The following SGCG variants were observed in gnomAD, a reference collection of about 807,000 sequenced individuals.
The protein encoded by SGCG is gamma-sarcoglycan.
A neutral mutation model predicts 29.3 loss-of-function variants in SGCG; 26 were observed. The ratio of observed to expected loss-of-function variants is 0.89; its 90% CI spans 0.65 to 1.23. The LOEUF (loss-of-function observed/expected upper bound fraction) is 1.23. Ranked by LOEUF, SGCG falls within the 50% of genes most tolerant of loss-of-function variation. SGCG has a pLI of 0.00. For synonymous variants in SGCG, 145 were observed against 129.7 expected (o/e 1.12, Z -0.80); for missense variants, 353 against 356.0 (o/e 0.99, Z 0.07).
At chr13:23,257,889 C>G (rs1354908178) in intron 4 of SGCG, among the ~76,000 whole-genome samples, 1 of 152,134 alleles carries the variant, frequency 6.6e-6, no homozygotes, top group African/African-American at 2.4e-5. Flanking sequence ...GGCCTCTGTT[C>G]TGTTCCATTG....
At chr13:23,236,120 C>CCCTT (rs1318002185) in intron 3 of SGCG, among the ~76,000 whole-genome samples, 1 of 152,160 alleles carries the variant, frequency 6.6e-6, no homozygotes, top group East Asian at 1.9e-4. Context: ...GTGAGGCTTA[C>CCCTT]CCTTACCTTA....
At chr13:23,270,806 T>C (rs1325908252) in intron 4 of SGCG, among the ~76,000 whole-genome samples, 1 of 152,258 alleles carries the variant, frequency 6.6e-6, no homozygotes, top group Non-Finnish European at 1.5e-5. Context: ...CTGTAGTGTT[T>C]GTATGATTTC....
At chr13:23,300,750 C>T (rs193114558) in intron 6 of SGCG, among the ~76,000 whole-genome samples, 1 of 150,318 alleles carries the variant, frequency 6.7e-6, no homozygotes, top group East Asian at 2.0e-4. Flanking sequence ...AGAAGTTATC[C>T]CATCACACAT....
At chr13:23,241,574 T>G (rs1879517740) in intron 3 of SGCG, among the ~76,000 whole-genome samples, 4 of 152,156 alleles carry the variant, frequency 2.6e-5, no homozygotes. Flanking sequence ...CTTCTCAAAC[T>G]TTTTCAAAAA....
intron 5 of SGCG, 149 bp downstream of exon 5, chr13:23,279,627 T>G: frequency 1.3e-6 from 1 of 753,706 alleles, no homozygotes; most frequent in Admixed American, 2.1e-5. Context: ...TCTGTTGAAC[T>G]CCCTCGATGC....
the SGCG span, among the ~76,000 whole-genome samples, chr13:23,172,241 T>C: frequency 2.0e-5 from 3 of 152,210 alleles, no homozygotes; most frequent in Non-Finnish European, 4.4e-5. Context: ...CTCTTTTTCT[T>C]CTTTTCAAAG....
Position 23,302,147 on chromosome 13 carries a change from G to T in SGCG, c.578+6660G>T, listed in dbSNP as rs1218599586. ...ATGGAGTCAGAAAAGTTTTCTTTTT[G>T]TCCTTGACCTAATACTTACAGTTCA... On this transcript the variant is annotated intron_variant, in intron 6 of 7. Coordinates refer to ENST00000218867, the MANE Select transcript of SGCG (RefSeq NM_000231.3). Among the ~76,000 whole-genome samples, 4 of 151,746 alleles carry T rather than the reference G, an allele frequency of 2.6e-5. 1 individual carries two copies. Among genetic ancestry groups the T allele is most frequent in the Middle Eastern group, 6.3e-3 (2 of 316 alleles).
At chr13:23,169,551 T>C in the SGCG span, among the ~76,000 whole-genome samples, 15 of 151,976 alleles carry the variant, frequency 9.9e-5, no homozygotes, top group Admixed American at 9.8e-4. Context: ...TAGTGGTGCA[T>C]GCCTGTAGTC....
chr13:23,230,002 T>C (rs1430619541), intron 2 of SGCG, among the ~76,000 whole-genome samples: 4 of 152,216 alleles, frequency 2.6e-5, no homozygotes, highest in Non-Finnish European at 5.9e-5. Flanking sequence ...CTTCTGCATA[T>C]GGCTAGCCAG....
intron 1 of SGCG, among the ~76,000 whole-genome samples, chr13:23,190,874 G>A (rs929347417): frequency 6.6e-6 from 1 of 152,126 alleles, no homozygotes; most frequent in Non-Finnish European, 1.5e-5. Context: ...AAATGGCCCT[G>A]TAAAATCCTC....
chr13:23,268,134 A>G (rs1261441054), intron 4 of SGCG: 1 of 153,146 alleles, frequency 6.5e-6, no homozygotes, highest in African/African-American at 2.4e-5. Context: ...GTGGAAATTT[A>G]TGGGCTTTTT....
chr13:23,208,980 T>A (rs1878087994), intron 2 of SGCG, among the ~76,000 whole-genome samples: 1 of 152,098 alleles, frequency 6.6e-6, no homozygotes, highest in African/African-American at 2.4e-5. Context: ...TTATCAACCT[T>A]TGTTTGCATA....
chr13:23,170,260 A>T, the SGCG span, among the ~76,000 whole-genome samples: 9 of 152,330 alleles, frequency 5.9e-5, no homozygotes, highest in Admixed American at 5.9e-4. Flanking sequence ...TGATATATTT[A>T]ATGTACTTAG....
At chr13:23,178,721 C>T (rs1042542505), upstream of SGCG, among the ~76,000 whole-genome samples, 6 of 152,172 alleles carry the variant, frequency 3.9e-5, no homozygotes, top group African/African-American at 1.2e-4. Context: ...GATAACCTCA[C>T]CTCTTACTTC....
chr13:23,285,774 C>T (rs1316423878), intron 5 of SGCG, among the ~76,000 whole-genome samples: 3 of 123,160 alleles, frequency 2.4e-5, no homozygotes, highest in Non-Finnish European at 5.9e-5. Flanking sequence ...CTGCAGGTTG[C>T]GAAGACCATG....
intron 3 of SGCG, among the ~76,000 whole-genome samples, chr13:23,248,547 TAGCC>T (rs1879815017): frequency 6.9e-6 from 1 of 145,138 alleles, no homozygotes; most frequent in Non-Finnish European, 1.5e-5. Context: ...CAAAAAAAAT[TAGCC>T]GGCGTGGCAG....
chr13:23,195,199 T>C (rs1254032962), intron 1 of SGCG, among the ~76,000 whole-genome samples: 1 of 152,230 alleles, frequency 6.6e-6, no homozygotes, highest in Admixed American at 6.5e-5. Context: ...AACTTGTTAA[T>C]GTTTCTGGAT....
chr13:23,224,554 A>G (rs1878816610), intron 2 of SGCG, among the ~76,000 whole-genome samples: 1 of 152,018 alleles, frequency 6.6e-6, no homozygotes, highest in African/African-American at 2.4e-5. Flanking sequence ...GAAAAATTAG[A>G]TCTCATTTAT....
chr13:23,267,149 C>A (rs1445533376), intron 4 of SGCG, among the ~76,000 whole-genome samples: 1 of 152,196 alleles, frequency 6.6e-6, no homozygotes, highest in Non-Finnish European at 1.5e-5. Flanking sequence ...ATATGAGACA[C>A]ACCCAGAAAG....
Sources: allele counts gnomAD v4.1 joint callset (sites outside exome capture counted in the v4.1 genomes callset), GRCh38; gene constraint gnomAD v4.1.1; transcripts MANE v1.5; gene names NCBI Gene and HGNC (gene_info 2026-07-23, HGNC 2026-07-21).